The following CHDH variants were observed in gnomAD, a reference collection of about 807,000 sequenced individuals.
CHDH encodes choline dehydrogenase.
A neutral mutation model predicts 56.9 loss-of-function variants in CHDH; 43 were observed. The ratio of observed to expected loss-of-function variants is 0.76; its 90% CI spans 0.59 to 0.97. The LOEUF (loss-of-function observed/expected upper bound fraction) is 0.97, where lower values mean the gene tolerates loss of function less well. Among genes scored for constraint, CHDH ranks in the 50% least tolerant of loss-of-function variants. The probability of loss-of-function intolerance (pLI) is 0.00; values close to 1 mark genes in which losing one functional copy is unlikely to be tolerated. For synonymous variants in CHDH, 364 were observed against 348.5 expected (o/e 1.04, Z -0.50); for missense variants, 816 against 821.1 (o/e 0.99, Z 0.08).
At chr3:53,829,271 G>C (rs1698260948) in intron 2 of CHDH, among the ~76,000 whole-genome samples, 1 of 152,166 alleles carries the variant, frequency 6.6e-6, no homozygotes, top group Non-Finnish European at 1.5e-5. Context: ...GGCCACAAAG[G>C]ATTTTTAGGG....
intron 3 of CHDH, among the ~76,000 whole-genome samples, chr3:53,823,008 G>A (rs1224950538): frequency 1.3e-5 from 2 of 152,144 alleles, no homozygotes; most frequent in Non-Finnish European, 2.9e-5. Flanking sequence ...GTTTCCCCAT[G>A]TGCAAGTCCC....
At position 53,821,724 on chromosome 3, in the gene CHDH, T is replaced by C. The variant is rs533752759; in HGVS notation, c.908A>G (p.Gln303Arg). The change falls in exon 5 of 9, where the codon CAG (glutamine) becomes CGG (arginine). Residue 303 changes from glutamine (Q) to arginine (R), a missense_variant. Transcript: ENST00000315251. ...ILSGGAINSP[Q>R]LLMLSGIGNA... ...CCCGATGCCAGAGAGCATGAGCAGC[T>C]GTGGAGAGTTGATGGCACCTCCACT... is the stretch of plus-strand genomic sequence containing the variant. 2 of 1,614,080 alleles carry C rather than the reference T, an allele frequency of 1.2e-6. No homozygotes were observed. Among genetic ancestry groups the C allele is most frequent in the Non-Finnish European group, 1.7e-6 (2 of 1,179,968 alleles).
chr3:53,838,756 T>G (rs890804196), intron 2 of CHDH, among the ~76,000 whole-genome samples: 9 of 152,166 alleles, frequency 5.9e-5, no homozygotes, highest in African/African-American at 1.2e-4. Flanking sequence ...CAGAGCCACG[T>G]ACACAGCAGG....
chr3:53,834,022 G>T (rs1266547695), intron 2 of CHDH, among the ~76,000 whole-genome samples: 1 of 152,014 alleles, frequency 6.6e-6, no homozygotes, highest in African/African-American at 2.4e-5. Context: ...GGCCACAGTG[G>T]GTGGATCAAG....
At position 53,838,851 on chromosome 3, in the gene CHDH, G is replaced by A. The variant is rs373289213; in HGVS notation, c.-60+2078C>T. On this transcript the variant is annotated intron_variant, in intron 2 of 8. Coordinates refer to ENST00000315251, the MANE Select transcript of CHDH (RefSeq NM_018397.5). ...AGCAGACACAGAAGCAGAGGCCTAG[G>A]GGGTAGTAGCTTCTCTCATAAGGAT... Among the ~76,000 whole-genome samples, 3 of 152,158 alleles carry A rather than the reference G, an allele frequency of 2.0e-5. No homozygotes were observed. In the South Asian group the frequency reaches 6.2e-4, roughly 31 times the overall value.
At chr3:53,825,694 C>G (rs1028221739) in intron 2 of CHDH, among the ~76,000 whole-genome samples, 1 of 152,000 alleles carries the variant, frequency 6.6e-6, no homozygotes. Flanking sequence ...CTTTCCCAAA[C>G]GTAGTGCAAG....
rs1444384348 is a variant in CHDH, at chr3:53,814,143, C to G, written c.*3634G>C. 1 of 152,242 alleles carries G rather than the reference C, an allele frequency of 6.6e-6. No homozygotes were observed. Among genetic ancestry groups the G allele is most frequent in the African/African-American group, 2.4e-5 (1 of 41,462 alleles). 9.4% of individuals were successfully genotyped at this position (152,242 alleles called of 1,614,324 possible). ...CTGTGTGAGATGGGACCAGGGGCAC[C>G]ACTTGCTTTCCTGCTGACCCTGCTA... On this transcript the variant is annotated 3_prime_UTR_variant, in exon 9 of 9. Coordinates refer to ENST00000315251, the MANE Select transcript of CHDH (RefSeq NM_018397.5).
Position 53,845,019 on chromosome 3 carries a change from C to T in CHDH, c.-131+1064G>A, listed in dbSNP as rs142652026. 2.2e-3 allele frequency among the ~76,000 whole-genome samples: 342 copies of T among 152,374 alleles called. 2 individuals carry two copies. Among genetic ancestry groups the T allele is most frequent in the African/African-American group, 7.7e-3 (320 of 41,600 alleles). On this transcript the variant is annotated intron_variant, in intron 1 of 8. Transcript: ENST00000315251. Reference sequence around the variant, plus strand: ...AGCACCCATGTGTGGTTCACCTTTGCACCCAGCAGGTATTTGCTGAACAGG... The same window carrying T: ...AGCACCCATGTGTGGTTCACCTTTGTACCCAGCAGGTATTTGCTGAACAGG...
chr3:53,841,473 G>A (rs1698668357), intron 1 of CHDH, among the ~76,000 whole-genome samples: 1 of 152,238 alleles, frequency 6.6e-6, no homozygotes, highest in African/African-American at 2.4e-5. Context: ...AGGCTGGAGT[G>A]CAGTGGCAGC....
intron 2 of CHDH, among the ~76,000 whole-genome samples, chr3:53,838,138 C>T (rs572906072): frequency 3.8e-4 from 57 of 151,636 alleles, no homozygotes; most frequent in African/African-American, 1.3e-3. Context: ...GGGTGGGGGG[C>T]CCAGGCCGCT....
At chr3:53,838,790 G>C (rs372151549) in intron 2 of CHDH, among the ~76,000 whole-genome samples, 1 of 152,204 alleles carries the variant, frequency 6.6e-6, no homozygotes, top group African/African-American at 2.4e-5. Context: ...CTTGTCATGT[G>C]ACTGGTATAT....
intron 2 of CHDH, among the ~76,000 whole-genome samples, chr3:53,828,631 G>C (rs1304188634): frequency 6.6e-6 from 1 of 152,214 alleles, no homozygotes; most frequent in Admixed American, 6.5e-5. Flanking sequence ...AGATGGCAAA[G>C]ATGCATATGA....
At chr3:53,824,441 G>A (rs2095635196) in intron 2 of CHDH, among the ~76,000 whole-genome samples, 1 of 152,236 alleles carries the variant, frequency 6.6e-6, no homozygotes, top group African/African-American at 2.4e-5. Context: ...AGTGGGCTCA[G>A]CCCCTACCAT....
chr3:53,839,531 T>C (rs1400787921), intron 2 of CHDH, among the ~76,000 whole-genome samples: 1 of 152,252 alleles, frequency 6.6e-6, no homozygotes, highest in Non-Finnish European at 1.5e-5. Flanking sequence ...CAAGATATCA[T>C]TATTTGTCAG....
rs146005054 is a variant in CHDH at position 53,819,009 on chromosome 3, A to G, written c.1295T>C (p.Val432Ala). ...VHVGPMRGTS[V>A]GWLKLRSANP... is the part of the protein sequence containing the mutation. ...GGCACTTCTCAGTTTGAGCCAGCCC[A>G]CACTCGTGCCCCGCATGGGCCCCAC... is the stretch of plus-strand genomic sequence containing the variant. The change falls in exon 8 of 9, where the codon GTG (valine) becomes GCG (alanine). Residue 432 changes from valine to alanine, a missense_variant. Val to Ala is a moderately conservative substitution (Grantham distance 64, BLOSUM62 0). Transcript: ENST00000315251. The surrounding 1 kb of genome is among the most constrained non-coding windows in gnomAD (Gnocchi z 5.4). 15 of 1,613,810 alleles carry G rather than the reference A, an allele frequency of 9.3e-6. No individual in the cohort carries two copies. The highest frequency in any genetic ancestry group is 1.2e-5 in the Non-Finnish European group (14 of 1,179,820).
chr3:53,826,288 T>C (rs182352556), intron 2 of CHDH, among the ~76,000 whole-genome samples: 43 of 147,012 alleles, frequency 2.9e-4, no homozygotes, highest in African/African-American at 1.1e-3. Flanking sequence ...ATCACCCTAA[T>C]AACAAAACCA....
chr3:53,821,816 C>A, intron 4 of CHDH, 40 bp from the exon 5 acceptor site: 1 of 1,607,816 alleles, frequency 6.2e-7, no homozygotes, highest in Non-Finnish European at 8.5e-7. Context: ...GAAAAGCCAG[C>A]TGTTCTCCTG....
In CHDH at chr3:53,823,403, G is replaced by A; in HGVS notation, c.606C>T (p.Phe202=). The change falls in exon 3 of 9, where the codon TTC becomes TTT. Residue 202 remains phenylalanine (F), a synonymous_variant. Transcript: ENST00000315251. ...AGCCGGCCTGCTGCGTGGCCTCCAG[G>A]AATGCGCAGTGCAGCGGGTGGTTGG... The part of the protein sequence containing the change: ...GKTNHPLHCA[F]LEATQQAGYP... 6.2e-7 allele frequency: 1 copy of A among 1,602,918 alleles called. No individual in the cohort carries two copies. The highest frequency in any genetic ancestry group is 8.5e-7 in the Non-Finnish European group (1 of 1,174,734).
At chr3:53,824,352 T>C (rs775628797) in intron 2 of CHDH, among the ~76,000 whole-genome samples, 72 of 152,208 alleles carry the variant, frequency 4.7e-4, no homozygotes, top group Non-Finnish European at 8.4e-4. Context: ...GGCTGGAGTC[T>C]GCCTGCTGGA....
Sources: gnomAD v4.1 joint callset for allele counts (sites outside exome capture counted in the v4.1 genomes callset) on GRCh38, gnomAD v4.1.1 for gene constraint, Gnocchi (gnomAD v3.1) non-coding constraint, MANE v1.5 for transcripts, NCBI Gene and HGNC (gene_info 2026-07-23, HGNC 2026-07-21) for gene names.